ALDOB: variants seen among roughly 807,000 people sequenced by gnomAD.
ALDOB encodes the protein aldolase, fructose-bisphosphate B.
Under a neutral mutation model 41.0 loss-of-function variants are expected in ALDOB, and 39 were observed. The observed-to-expected ratio is 0.95, with a 90% CI of 0.74 to 1.24. ALDOB has a LOEUF of 1.24. ALDOB is among the 50% of genes most tolerant of loss of function. ALDOB has a pLI of 0.00. For synonymous variants in ALDOB, 175 were observed against 168.8 expected (o/e 1.04, Z -0.28); for missense variants, 530 against 457.3 (o/e 1.16, Z -1.45).
intron 1 of ALDOB, 65 bp from the exon 2 acceptor site, chr9:101,430,962 G>C: frequency 9.0e-7 from 1 of 1,105,420 alleles, no homozygotes; most frequent in Non-Finnish European, 1.4e-6. Context: ...GCATGACCAA[G>C]ACAGTTGGGG....
At chr9:101,431,363 C>T (rs1345034614) in intron 1 of ALDOB, among the ~76,000 whole-genome samples, 1 of 152,182 alleles carries the variant, frequency 6.6e-6, no homozygotes, top group African/African-American at 2.4e-5. Flanking sequence ...AGATTATTCT[C>T]CAGGAAACAA....
At position 101,420,564 on chromosome 9, in the gene ALDOB, T is replaced by C. The variant is rs754305100; in HGVS notation, c.*1245A>G. ...TCTTTGTATTATTCAAGGTAAGAAA[T>C]TTAGCATACTACCATCAATATTTTA... On this transcript the variant is annotated 3_prime_UTR_variant, in exon 9 of 9. Transcript: ENST00000647789. 4 of 152,208 alleles carry C rather than the reference T, an allele frequency of 2.6e-5. No homozygotes were observed. The highest frequency in any genetic ancestry group is 4.8e-5 in the African/African-American group (2 of 41,464). 9.4% of individuals were successfully genotyped at this position (152,208 alleles called of 1,614,324 possible).
At position 101,427,643 on chromosome 9, in the gene ALDOB, C is replaced by G; in HGVS notation, c.380-1G>C. On this transcript the variant is annotated splice_acceptor_variant, in intron 4 of 8. Transcript: ENST00000647789. LOFTEE classifies it high-confidence loss of function. ...CAGCGCTCTGAGAGGCCATCAAGCC[C>G]TGCAAGTCACAAAAGAGAGAAAGGC... The G allele has an allele frequency of 6.2e-7, 1 of 1,614,038 alleles. No homozygotes were observed.
chr9:101,426,593 C>T lies in ALDOB; in HGVS notation c.586G>A (p.Asp196Asn). 6.2e-7 allele frequency: 1 copy of T among 1,613,346 alleles called. No individual in the cohort carries two copies. The highest frequency in any genetic ancestry group is 8.5e-7 in the Non-Finnish European group (1 of 1,179,318). The change falls in exon 6 of 9, where the codon GAC becomes AAC. Residue 196 changes from aspartate to asparagine, a missense_variant. Physicochemically the swap from Asp to Asn is conservative, Grantham distance 23. Transcript: ENST00000647789. The part of the protein sequence containing the change: ...IVEPEVIPDG[D>N]HDLEHCQYVT... The stretch of plus-strand genomic sequence containing the variant: ...TACTGGCAGTGTTCCAGGTCATGGT[C>T]TCCATCAGGAATTACCTCTGGTTCA...
chr9:101,424,102 C>T (rs1385558284), intron 8 of ALDOB, among the ~76,000 whole-genome samples: 1 of 151,940 alleles, frequency 6.6e-6, no homozygotes, highest in Admixed American at 6.6e-5. Context: ...CTCTCTATAG[C>T]ATGTTATTAT....
Position 101,430,802 on chromosome 9 carries a change from C to A in ALDOB, c.86G>T (p.Gly29Val). ...IAQSIVANGK[G>V]ILAADESVGT... is the part of the protein sequence containing the mutation. The stretch of plus-strand genomic sequence containing the variant: ...TACAGATTCATCTGCAGCCAGGATC[C>A]CCTTTCCATTGGCAACAATGCTCTG... Residue 29 changes from glycine (G) to valine (V), a missense_variant, in exon 2 of 9, where the codon GGG (glycine) becomes GTG (valine). Transcript: ENST00000647789. The A allele has an allele frequency of 6.2e-7, 1 of 1,613,920 alleles. No homozygotes were observed. Among genetic ancestry groups the A allele is most frequent in the African/African-American group, 1.3e-5 (1 of 75,038 alleles).
rs745676509 is a variant in ALDOB at position 101,425,024 on chromosome 9, C to T, written c.818G>A (p.Gly273Asp). 2.5e-6 allele frequency: 4 copies of T among 1,614,168 alleles called. No individual in the cohort carries two copies. The highest frequency in any genetic ancestry group is 3.4e-6 in the Non-Finnish European group (4 of 1,180,034). The change falls in exon 8 of 9, where the codon GGT becomes GAT. Residue 273 changes from glycine (G) to aspartate (D), a missense_variant. Coordinates refer to ENST00000647789, the MANE Select transcript of ALDOB (RefSeq NM_000035.4). Reference protein sequence around the residue: ...AAVPGICFLSGGMSEEDATLN... With the variant: ...AAVPGICFLSDGMSEEDATLN... Reference sequence around the variant, plus strand: ...AGTGGCATCCTCTTCACTCATGCCACCAGACAAAAAGCAGATGCCTGGTAG... The same window carrying T: ...AGTGGCATCCTCTTCACTCATGCCATCAGACAAAAAGCAGATGCCTGGTAG...
At position 101,424,738 on chromosome 9, in the gene ALDOB, C is replaced by T. The variant is rs682; in HGVS notation, c.999+105G>A. On this transcript the variant is annotated intron_variant, in intron 8 of 8. Coordinates refer to ENST00000647789, the MANE Select transcript of ALDOB (RefSeq NM_000035.4). ...TTTTCAAATGCCTAATAGACACTAT[C>T]GGTAGATACCTTCTTGGCCCAAAGA... 713,705 of 1,348,820 alleles carry T rather than the reference C, an allele frequency of 0.53. 191,260 individuals carry two copies. Among genetic ancestry groups the T allele is most frequent in the South Asian group, 0.68 (57,269 of 84,648 alleles). The allele number at this position is 1,348,820 out of a possible 1,614,324, so 83.6% of individuals were successfully genotyped here. A position where few individuals can be genotyped will look rare whatever the true frequency, so the allele number is the denominator to read the frequency against.
rs1831052376 is a variant in ALDOB, at chr9:101,421,876, T to C, written c.1028A>G (p.Tyr343Cys). 1 of 1,614,044 alleles carries C rather than the reference T, an allele frequency of 6.2e-7. No individual in the cohort carries two copies. Among genetic ancestry groups the C allele is most frequent in the Non-Finnish European group, 8.5e-7 (1 of 1,179,994 alleles). ...MANCQAAKGQ[Y>C]VHTGSSGAAS... ...AGCCCCAGAAGAACCCGTGTGAACA[T>C]ACTGTCCTTTGGCCGCCTGGCAGTT... Residue 343 changes from tyrosine to cysteine, a missense_variant, in exon 9 of 9, where the codon TAT (tyrosine) becomes TGT (cysteine). Physicochemically the swap from Tyr to Cys is radical, Grantham distance 194. Transcript: ENST00000647789.
chr9:101,429,958 C>G lies in ALDOB; in HGVS notation c.121G>C (p.Gly41Arg). The G allele has an allele frequency of 6.2e-7, 1 of 1,614,034 alleles. No homozygotes were observed. The highest frequency in any genetic ancestry group is 8.5e-7 in the Non-Finnish European group (1 of 1,180,004). The change falls in exon 3 of 9, where the codon GGG becomes CGG. Residue 41 changes from glycine to arginine, a missense_variant. Physicochemically the swap from Gly to Arg is moderately radical, Grantham distance 125. Transcript: ENST00000647789. Reference protein sequence around the residue: ...LAADESVGTMGNRLQRIKVEN... With the variant: ...LAADESVGTMRNRLQRIKVEN... ...ACCTTGATCCTCTGCAGGCGGTTCCCCATGGTACCTATGGTGGGAGGGCCA... is the reference window on the plus strand; with the variant it reads ...ACCTTGATCCTCTGCAGGCGGTTCCGCATGGTACCTATGGTGGGAGGGCCA...
rs1564076182 is a variant in ALDOB, at chr9:101,420,969, C to G, written c.*840G>C. ...AACCTGGGCCACTTGAACAAGAATG[C>G]TCCAAGCATTGAAGTCACATTAATT... On this transcript the variant is annotated 3_prime_UTR_variant, in exon 9 of 9. Coordinates refer to ENST00000647789, the MANE Select transcript of ALDOB (RefSeq NM_000035.4). 2.0e-5 allele frequency: 3 copies of G among 152,196 alleles called. No homozygotes were observed. Among genetic ancestry groups the G allele is most frequent in the Admixed American group, 6.6e-5 (1 of 15,266 alleles). 9.4% of individuals were successfully genotyped at this position (152,196 alleles called of 1,614,324 possible). A position where few individuals can be genotyped will look rare whatever the true frequency, so the allele number is the denominator to read the frequency against.
chr9:101,435,289 TA>T (rs1466121763), intron 1 of ALDOB, among the ~76,000 whole-genome samples: 1 of 152,124 alleles, frequency 6.6e-6, no homozygotes, highest in Non-Finnish European at 1.5e-5. Context: ...GAAAATGACA[TA>T]AGGCAGTAGA....
chr9:101,421,979 G>A (rs1247408105), intron 8 of ALDOB, 75 bp from the exon 9 acceptor site: 23 of 1,249,890 alleles, frequency 1.8e-5, no homozygotes, highest in Non-Finnish European at 2.6e-5. Context: ...GCCTCTCATG[G>A]GAAACCAGTC....
chr9:101,433,504 C>T (rs1217962766), intron 1 of ALDOB, among the ~76,000 whole-genome samples: 1 of 152,154 alleles, frequency 6.6e-6, no homozygotes, highest in Non-Finnish European at 1.5e-5. Context: ...TGACAAAGAA[C>T]GATTTCCGTA....
intron 1 of ALDOB, among the ~76,000 whole-genome samples, chr9:101,433,265 T>A (rs367737453): frequency 1.1e-3 from 175 of 152,396 alleles, no homozygotes; most frequent in African/African-American, 4.0e-3. Flanking sequence ...TTTTTCTGTT[T>A]ACTGCCTATT....
rs755242484 is a variant in ALDOB at position 101,424,978 on chromosome 9, G to T, written c.864C>A (p.Asn288Lys). Residue 288 changes from asparagine (N) to lysine (K), a missense_variant, in exon 8 of 9, where the codon AAC becomes AAA. By Grantham distance (94) the Asn-to-Lys change is moderately conservative. Coordinates refer to ENST00000647789, the MANE Select transcript of ALDOB (RefSeq NM_000035.4). Reference sequence around the variant, plus strand: ...TCCAGGGCTTTGGTAGAGGGCAAAGGTTGATAGCATTGAGGTTGAGAGTGG... The same window carrying T: ...TCCAGGGCTTTGGTAGAGGGCAAAGTTTGATAGCATTGAGGTTGAGAGTGG... Reference protein sequence around the residue: ...EDATLNLNAINLCPLPKPWKL... With the variant: ...EDATLNLNAIKLCPLPKPWKL... The T allele has an allele frequency of 6.2e-7, 1 of 1,614,210 alleles. No individual in the cohort carries two copies. The highest frequency in any genetic ancestry group is 1.1e-5 in the South Asian group (1 of 91,086).
chr9:101,423,388 A>G (rs1051566956), intron 8 of ALDOB, among the ~76,000 whole-genome samples: 8 of 152,190 alleles, frequency 5.3e-5, no homozygotes, highest in Non-Finnish European at 8.8e-5. Context: ...CTGTTAGGAA[A>G]ACTCAGGAAT....
intron 1 of ALDOB, among the ~76,000 whole-genome samples, chr9:101,433,370 T>C (rs957247699): frequency 1.3e-5 from 2 of 152,218 alleles, no homozygotes; most frequent in Non-Finnish European, 2.9e-5. Context: ...GGAGTTAAAC[T>C]TCTACAGTGG....
intron 8 of ALDOB, among the ~76,000 whole-genome samples, chr9:101,423,952 C>A (rs1040238417): frequency 6.6e-6 from 1 of 152,182 alleles, no homozygotes; most frequent in East Asian, 1.9e-4. Flanking sequence ...TTTCTCCTGG[C>A]AACCTTTCTG....
Sources: gnomAD v4.1 joint callset for allele counts (sites outside exome capture counted in the v4.1 genomes callset) on GRCh38, gnomAD v4.1.1 for gene constraint, MANE v1.5 for transcripts, NCBI Gene and HGNC (gene_info 2026-07-23, HGNC 2026-07-21) for gene names.